Variants in PTPRN2 observed in about 807,000 individuals in gnomAD.
The protein encoded by PTPRN2 is protein tyrosine phosphatase receptor type N2, also known as receptor-type tyrosine-protein phosphatase N2.
In PTPRN2, 74 loss-of-function variants were observed where a neutral mutation model predicts 118.8. The observed-to-expected ratio is 0.62, with a 90% CI of 0.52 to 0.76. The LOEUF (loss-of-function observed/expected upper bound fraction) is 0.76. Ranked by LOEUF, PTPRN2 falls within the 30% of genes least tolerant of loss-of-function variation. PTPRN2 has a pLI of 0.00. For missense variants in PTPRN2, 1,481 were observed against 1,394.4 expected (o/e 1.06, Z -0.99); for synonymous variants, 641 against 608.0 (o/e 1.05, Z -0.80).
At position 158,272,698 on chromosome 7, in the gene PTPRN2, C is replaced by T. The variant is rs183038634; in HGVS notation, c.277+44121G>A. Among the ~76,000 whole-genome samples the T allele has an allele frequency of 1.1e-4, 17 of 152,248 alleles. No individual in the cohort carries two copies. In the East Asian group the frequency reaches 2.3e-3, roughly 21 times the overall value. On this transcript the variant is annotated intron_variant, in intron 3 of 22. Transcript: ENST00000389418. ...TGAGGGGAGGTCTCAGCGCCACTGC[C>T]GGGATAAGCCCTCAGGATGGAGACA...
At chr7:157,660,416 C>T (rs1795830021) in intron 13 of PTPRN2, among the ~76,000 whole-genome samples, 1 of 152,120 alleles carries the variant, frequency 6.6e-6, no homozygotes. Flanking sequence ...CCTGCTGCAC[C>T]ACAAACTTCC....
chr7:158,337,142 T>C (rs1478055747), intron 2 of PTPRN2, among the ~76,000 whole-genome samples: 461 of 116,464 alleles, frequency 4.0e-3, no homozygotes, highest in Middle Eastern at 0.023. Context: ...CTTACAGCCA[T>C]ACTCTCACCA....
chr7:157,991,489 C>A lies in PTPRN2; in HGVS notation c.1723+89809G>T, dbSNP rs78527248. 5.8e-3 allele frequency among the ~76,000 whole-genome samples: 876 copies of A among 152,328 alleles called. 5 individuals are homozygous for A. The highest frequency in any genetic ancestry group is 0.01 in the Middle Eastern group (3 of 294). On this transcript the variant is annotated intron_variant, in intron 11 of 22. Transcript: ENST00000389418. The stretch of plus-strand genomic sequence containing the variant: ...CGTCCTCTTCACTGAAGGAAACTCA[C>A]AGAGCCCTGGTGGCACCGGGTGCTG...
At chr7:157,638,043 T>C (rs1330710364) in intron 14 of PTPRN2, among the ~76,000 whole-genome samples, 3 of 152,220 alleles carry the variant, frequency 2.0e-5, no homozygotes, top group South Asian at 4.1e-4. Context: ...TAGAATGTTT[T>C]GATGCTTCAC....
At chr7:157,759,368 CT>C (rs1801999510) in intron 12 of PTPRN2, among the ~76,000 whole-genome samples, 2 of 152,232 alleles carry the variant, frequency 1.3e-5, no homozygotes, top group Non-Finnish European at 2.9e-5. Context: ...GGAGGCCCTG[CT>C]TCCTGGATGG....
intron 12 of PTPRN2, among the ~76,000 whole-genome samples, chr7:157,753,222 GTGCCATGTGCCAGGCATGTC>G (rs1801586694): frequency 6.6e-6 from 1 of 152,228 alleles, no homozygotes; most frequent in Non-Finnish European, 1.5e-5. Context: ...CCCCCGGGCA[GTGCCATGTGCCAGGCATGTC>G]TGCTGTGCTG....
intron 3 of PTPRN2, among the ~76,000 whole-genome samples, chr7:158,314,854 G>A (rs570201547): frequency 8.8e-5 from 13 of 148,200 alleles, no homozygotes; most frequent in African/African-American, 1.7e-4. Flanking sequence ...AGGTGAACCC[G>A]GAACCCCTGT....
intron 3 of PTPRN2, among the ~76,000 whole-genome samples, chr7:158,227,403 G>A (rs1330496055): frequency 6.6e-6 from 1 of 152,090 alleles, no homozygotes; most frequent in African/African-American, 2.4e-5. Context: ...AAATCTATTA[G>A]CATTTTATTT....
intron 3 of PTPRN2, among the ~76,000 whole-genome samples, chr7:158,227,095 C>A (rs1412976126): frequency 2.6e-5 from 4 of 152,016 alleles, no homozygotes; most frequent in African/African-American, 9.7e-5. Context: ...TCAGAGAGTG[C>A]ACTGTGCGTG....
intron 12 of PTPRN2, among the ~76,000 whole-genome samples, chr7:157,872,205 A>T: frequency 9.2e-6 from 1 of 109,216 alleles, no homozygotes; most frequent in South Asian, 3.2e-4. Flanking sequence ...ACCCATACCC[A>T]GTGTCCTCCG....
chr7:157,576,543 C>G, intron 19 of PTPRN2, 70 bp downstream of exon 19: 1 of 1,408,078 alleles, frequency 7.1e-7, no homozygotes, highest in East Asian at 2.6e-5. Context: ...GTCTCAGGAG[C>G]ACCGAAGCCT....
At chr7:158,005,638 G>T (rs985473858) in intron 11 of PTPRN2, among the ~76,000 whole-genome samples, 1 of 152,212 alleles carries the variant, frequency 6.6e-6, no homozygotes, top group African/African-American at 2.4e-5. Context: ...GGGTGCAGGG[G>T]GAGGTGCAGG....
chr7:157,910,858 T>G (rs1798067608), intron 11 of PTPRN2, among the ~76,000 whole-genome samples: 1 of 152,274 alleles, frequency 6.6e-6, no homozygotes, highest in Non-Finnish European at 1.5e-5. Context: ...TCAAGTCATC[T>G]GAAAGTAGCA....
intron 16 of PTPRN2, among the ~76,000 whole-genome samples, chr7:157,599,695 A>G (rs924747466): frequency 5.3e-5 from 8 of 152,196 alleles, no homozygotes; most frequent in Non-Finnish European, 1.2e-4. Flanking sequence ...TCTGCTCCCA[A>G]ACCAGCCCCG....
chr7:157,634,649 C>T (rs1166496620), intron 14 of PTPRN2, among the ~76,000 whole-genome samples: 2 of 152,116 alleles, frequency 1.3e-5, no homozygotes, highest in Non-Finnish European at 1.5e-5. Context: ...TCAGAGGGGC[C>T]GTACGACCTC....
chr7:158,422,914 A>G (rs942560211), intron 2 of PTPRN2, among the ~76,000 whole-genome samples: 3 of 152,242 alleles, frequency 2.0e-5, no homozygotes, highest in African/African-American at 4.8e-5. Context: ...AGAGACAAAG[A>G]AAGGCTTCAA....
At chr7:157,562,347 G>C (rs1356815092) in intron 21 of PTPRN2, among the ~76,000 whole-genome samples, 2 of 152,168 alleles carry the variant, frequency 1.3e-5, no homozygotes, top group Admixed American at 1.3e-4. Context: ...GGGTGAGGGT[G>C]AAGTCAGGAG....
Position 157,779,707 on chromosome 7 carries a change from G to A in PTPRN2, c.1789-96770C>T, listed in dbSNP as rs1164328040. ...GGGGCCCCGGCCAGAAGGATGTCCT[G>A]ATGAGGGGTCCTGAGGGTCTGGGGA... On this transcript the variant is annotated intron_variant, in intron 12 of 22. Transcript: ENST00000389418. This position sits in a 1 kb window ranked among gnomAD's most constrained non-coding sequence, Gnocchi z 4.7. Among the ~76,000 whole-genome samples the A allele has an allele frequency of 3.3e-5, 5 of 152,224 alleles. No homozygotes were observed. The South Asian group carries it at 1.0e-3, about 32-fold the overall frequency.
chr7:157,866,617 C>G (rs1204254361), intron 12 of PTPRN2, among the ~76,000 whole-genome samples: 1 of 152,034 alleles, frequency 6.6e-6, no homozygotes, highest in Non-Finnish European at 1.5e-5. Context: ...TGTGCATTCT[C>G]CCAGGCACCC....
Sources: allele counts gnomAD v4.1 joint callset (sites outside exome capture counted in the v4.1 genomes callset), GRCh38; gene constraint gnomAD v4.1.1; non-coding constraint Gnocchi (gnomAD v3.1); transcripts MANE v1.5; gene names NCBI Gene and HGNC (gene_info 2026-07-23, HGNC 2026-07-21).